Variants in MAP1B observed in about 807,000 individuals in gnomAD.
The protein encoded by MAP1B is microtubule associated protein 1B, also known as microtubule-associated protein 1B.
A neutral mutation model predicts 176.1 loss-of-function variants in MAP1B; 12 were observed. That is an observed-to-expected ratio of 0.07 (90% CI 0.04 to 0.11). The LOEUF (loss-of-function observed/expected upper bound fraction) is 0.11. MAP1B is among the 10% of genes least tolerant of loss of function. The pLI, the probability that MAP1B is intolerant of heterozygous loss-of-function variation, is 1.00. For synonymous variants in MAP1B, 1,044 were observed against 1,135.0 expected (o/e 0.92, Z 1.61); for missense variants, 2,523 against 2,990.5 (o/e 0.84, Z 3.65).
chr5:72,112,398 C>T (rs900647150), intron 1 of MAP1B, among the ~76,000 whole-genome samples: 4 of 152,188 alleles, frequency 2.6e-5, no homozygotes, highest in Admixed American at 1.3e-4. Context: ...AAAATGCTTA[C>T]ATGATTGGAA....
chr5:72,175,468 G>A (rs1240716675), intron 2 of MAP1B, among the ~76,000 whole-genome samples: 3 of 152,134 alleles, frequency 2.0e-5, no homozygotes, highest in Admixed American at 1.3e-4. Flanking sequence ...CTACTTAGGT[G>A]CCCTCCAGGG....
intron 2 of MAP1B, among the ~76,000 whole-genome samples, chr5:72,183,403 A>C (rs1267856243): frequency 6.6e-6 from 1 of 152,160 alleles, no homozygotes; most frequent in African/African-American, 2.4e-5. Context: ...GAGAAAGGAA[A>C]TGTCAAGAGC....
chr5:72,139,847 G>T (rs1224932137), intron 2 of MAP1B, among the ~76,000 whole-genome samples: 1 of 152,120 alleles, frequency 6.6e-6, no homozygotes, highest in Non-Finnish European at 1.5e-5. Context: ...GACTTTAGAG[G>T]CAGCAGATCT....
intron 4 of MAP1B, among the ~76,000 whole-genome samples, chr5:72,187,750 G>C (rs1389436179): frequency 6.6e-6 from 1 of 152,178 alleles, no homozygotes; most frequent in Non-Finnish European, 1.5e-5. Flanking sequence ...TCACTGGCAA[G>C]AACTGTAAGC....
In MAP1B at chr5:72,198,578, C is replaced by T. The variant is rs550175931; in HGVS notation, c.5223C>T (p.Ile1741=). 38 of 1,614,080 alleles carry T rather than the reference C, an allele frequency of 2.4e-5. No individual in the cohort carries two copies. Among genetic ancestry groups the T allele is most frequent in the South Asian group, 1.8e-4 (16 of 91,082 alleles). The part of the protein sequence containing the change: ...STSSAHTPSQ[I]ASPLQEDTLS... The stretch of plus-strand genomic sequence containing the variant: ...CTTCTGCTCATACCCCTTCTCAGAT[C>T]GCTTCTCCTCTCCAAGAAGATACTC... The change falls in exon 5 of 7, where the codon ATC becomes ATT. Residue 1741 remains isoleucine, a synonymous_variant. Transcript: ENST00000296755.
chr5:72,119,583 C>T (rs1263719176), intron 2 of MAP1B, among the ~76,000 whole-genome samples: 1 of 152,232 alleles, frequency 6.6e-6, no homozygotes, highest in African/African-American at 2.4e-5. Flanking sequence ...TCTTGGCTCA[C>T]TGCAACCTCA....
At chr5:72,135,106 A>G (rs77754392) in intron 2 of MAP1B, among the ~76,000 whole-genome samples, 9,656 of 151,398 alleles carry the variant, frequency 0.064, 338 homozygotes, top group South Asian at 0.11. Flanking sequence ...TGGGGTAGGG[A>G]GTTGTGGCCT....
intron 1 of MAP1B, among the ~76,000 whole-genome samples, chr5:72,108,824 T>A (rs1745214194): frequency 6.6e-6 from 1 of 152,190 alleles, no homozygotes; most frequent in African/African-American, 2.4e-5. Flanking sequence ...GGTGGGCAGC[T>A]CTGGTCTCTG....
At chr5:72,165,442 T>C (rs1002548962) in intron 2 of MAP1B, among the ~76,000 whole-genome samples, 6 of 152,226 alleles carry the variant, frequency 3.9e-5, no homozygotes, top group African/African-American at 1.4e-4. Flanking sequence ...TTTAAAATGT[T>C]GTACATCAGT....
chr5:72,134,031 A>T (rs942145147), intron 2 of MAP1B, among the ~76,000 whole-genome samples: 3 of 152,208 alleles, frequency 2.0e-5, no homozygotes, highest in Admixed American at 2.0e-4. Context: ...AAAGTGTCAC[A>T]TGCATTCTTA....
At chr5:72,177,253 A>C (rs1445250429) in intron 2 of MAP1B, among the ~76,000 whole-genome samples, 1 of 152,106 alleles carries the variant, frequency 6.6e-6, no homozygotes, top group South Asian at 2.1e-4. Flanking sequence ...CCGGAGCTCT[A>C]AGCTGGGGCA....
chr5:72,197,857 C>A lies in MAP1B; in HGVS notation c.4502C>A (p.Ser1501Tyr). The A allele has an allele frequency of 6.2e-7, 1 of 1,614,222 alleles. No individual in the cohort carries two copies. Among genetic ancestry groups the A allele is most frequent in the Non-Finnish European group, 8.5e-7 (1 of 1,180,042 alleles). The change falls in exon 5 of 7, where the codon TCT (serine) becomes TAT (tyrosine). Residue 1501 changes from serine to tyrosine, a missense_variant. Ser to Tyr is a moderately radical substitution (Grantham distance 144). Coordinates refer to ENST00000296755, the MANE Select transcript of MAP1B (RefSeq NM_005909.5). ...GATGAAAGGAAATTAGGAGATGTTTCTCCCACACAAATAGATGTCAGTCAG... is the reference window on the plus strand; with the variant it reads ...GATGAAAGGAAATTAGGAGATGTTTATCCCACACAAATAGATGTCAGTCAG... The part of the protein sequence containing the change: ...ALDERKLGDV[S>Y]PTQIDVSQFG...
chr5:72,143,820 A>G (rs1055427880), intron 2 of MAP1B, among the ~76,000 whole-genome samples: 1 of 152,186 alleles, frequency 6.6e-6, no homozygotes, highest in Non-Finnish European at 1.5e-5. Context: ...CCAAGTAGCT[A>G]GAACCACAGG....
chr5:72,123,298 T>G (rs2112130961), intron 2 of MAP1B, among the ~76,000 whole-genome samples: 1 of 152,224 alleles, frequency 6.6e-6, no homozygotes, highest in East Asian at 1.9e-4. Context: ...TTCTTTTTAT[T>G]TTTTTAATCT....
chr5:72,154,515 G>A (rs1746195057), intron 2 of MAP1B, among the ~76,000 whole-genome samples: 1 of 152,214 alleles, frequency 6.6e-6, no homozygotes, highest in Non-Finnish European at 1.5e-5. Context: ...AGAACAAAGT[G>A]TTGGAGCACT....
At chr5:72,121,369 T>C (rs1479627861) in intron 2 of MAP1B, among the ~76,000 whole-genome samples, 1 of 152,230 alleles carries the variant, frequency 6.6e-6, no homozygotes, top group Non-Finnish European at 1.5e-5. Context: ...CTTGATATAT[T>C]TACATTTTGT....
intron 2 of MAP1B, among the ~76,000 whole-genome samples, chr5:72,117,289 C>CA (rs1209146520): frequency 2.6e-5 from 4 of 151,706 alleles, no homozygotes; most frequent in African/African-American, 9.7e-5. Flanking sequence ...AACCATCTCA[C>CA]AAAAAAAATG....
In MAP1B at chr5:72,197,333, C is replaced by A; in HGVS notation, c.3978C>A (p.Ser1326=). ...KTLEVVSPSQ[S]VTGSAGHTPY... is the part of the protein sequence containing the mutation. ...TGGAAGTGGTGTCACCATCTCAGTC[C>A]GTGACTGGCAGTGCTGGTCACACAC... The change falls in exon 5 of 7, where the codon TCC becomes TCA. Residue 1326 remains serine (S), a synonymous_variant. Transcript: ENST00000296755. The A allele has an allele frequency of 6.2e-7, 1 of 1,614,170 alleles. No homozygotes were observed.
Position 72,198,121 on chromosome 5 carries a change from C to T in MAP1B, c.4766C>T (p.Ser1589Phe). ...CCACATTCCACAGAAGTAGATGACT[C>T]CCTTTCAGTGTCTGTTGTGCAAACA... ...GSPHSTEVDD[S>F]LSVSVVQTPT... The change falls in exon 5 of 7, where the codon TCC becomes TTC. Residue 1589 changes from serine (S) to phenylalanine (F), a missense_variant. Physicochemically the swap from Ser to Phe is radical, Grantham distance 155. This residue lies in a region of MAP1B where 1,925 missense variants were observed against 2,126.0 expected (regional missense o/e 0.91). Coordinates refer to ENST00000296755, the MANE Select transcript of MAP1B (RefSeq NM_005909.5). 1 of 1,614,186 alleles carries T rather than the reference C, an allele frequency of 6.2e-7. No homozygotes were observed. Among genetic ancestry groups the T allele is most frequent in the Non-Finnish European group, 8.5e-7 (1 of 1,180,020 alleles).
Sources: gnomAD v4.1 joint callset for allele counts (sites outside exome capture counted in the v4.1 genomes callset) on GRCh38, gnomAD v4.1.1 for gene constraint, gnomAD v4.1.1 regional missense constraint, MANE v1.5 for transcripts, NCBI Gene and HGNC (gene_info 2026-07-23, HGNC 2026-07-21) for gene names.